The following MGME1 variants were observed in gnomAD, a reference collection of about 807,000 sequenced individuals.
The protein encoded by MGME1 is chromosome 20 open reading frame 72.
Under a neutral mutation model 33.0 loss-of-function variants are expected in MGME1, and 22 were observed. That is an observed-to-expected ratio of 0.67 (90% confidence interval 0.48 to 0.95). MGME1 has a LOEUF of 0.95. Ranked by LOEUF, MGME1 falls within the 40% of genes least tolerant of loss-of-function variation. The probability of loss-of-function intolerance (pLI) is 0.00; values close to 1 mark genes in which losing one functional copy is unlikely to be tolerated. For missense variants in MGME1, 383 were observed against 397.8 expected, an observed-to-expected ratio of 0.96 and a Z score of 0.32; for synonymous variants, 133 against 144.0, an observed-to-expected ratio of 0.92 and a Z score of 0.55.
Position 17,971,526 on chromosome 20 carries a change from A to G in MGME1, c.511+1156A>G, listed in dbSNP as rs139497782. On this transcript the variant is annotated intron_variant, in intron 2 of 4. Coordinates refer to ENST00000377710, the MANE Select transcript of MGME1 (RefSeq NM_052865.4). ...GTTATTTTCCTTAAACCAGGAATGT[A>G]CAGCTGAAATTACTAATAAGAAATG... is the stretch of plus-strand genomic sequence containing the variant. Among the ~76,000 whole-genome samples, 1,227 of 152,332 alleles carry G rather than the reference A, an allele frequency of 8.1e-3. 15 individuals carry two copies. Among genetic ancestry groups the G allele is most frequent in the African/African-American group, 0.028 (1,160 of 41,566 alleles).
At chr20:17,978,610 G>T (rs1401864272) in intron 3 of MGME1, among the ~76,000 whole-genome samples, 1 of 152,110 alleles carries the variant, frequency 6.6e-6, no homozygotes, top group Non-Finnish European at 1.5e-5. Flanking sequence ...AACCAAGGAA[G>T]CCATACAGTC....
At chr20:17,972,764 C>T (rs978410406) in intron 2 of MGME1, 24 of 985,140 alleles carry the variant, frequency 2.4e-5, no homozygotes, top group South Asian at 9.4e-5. Flanking sequence ...AAGTTTGCAG[C>T]GAGAAATGTA....
chr20:17,982,223 C>T (rs1336692728), intron 3 of MGME1, among the ~76,000 whole-genome samples: 4 of 152,304 alleles, frequency 2.6e-5, no homozygotes, highest in East Asian at 1.9e-4. Flanking sequence ...TGGGTTCAAG[C>T]GATTCTCCTG....
upstream of MGME1, chr20:17,968,817 A>G (rs2035627246): frequency 8.7e-6 from 2 of 229,618 alleles, no homozygotes; most frequent in South Asian, 6.2e-5. Context: ...TGCGGGGGGA[A>G]TTTATTACTC....
chr20:17,977,248 T>C (rs6111766), intron 3 of MGME1, among the ~76,000 whole-genome samples: 42,481 of 151,568 alleles, frequency 0.28, 6,190 homozygotes, highest in East Asian at 0.43. Context: ...CAGTGGTGTG[T>C]GCCTATAGTC....
intron 3 of MGME1, among the ~76,000 whole-genome samples, chr20:17,983,267 T>TTGTGTGTGTG (rs1555791107): frequency 0.02 from 2,798 of 142,650 alleles, 58 homozygotes; most frequent in African/African-American, 0.058. Flanking sequence ...TAGTGTTCTA[T>TTGTGTGTGTG]TGTGTGTGTG....
intron 3 of MGME1, among the ~76,000 whole-genome samples, chr20:17,984,914 G>A (rs1198181739): frequency 1.3e-5 from 2 of 151,902 alleles, no homozygotes; most frequent in Non-Finnish European, 2.9e-5. Context: ...GCACATGCCT[G>A]TAATCCCAGC....
At chr20:17,987,310 T>C (rs925307947) in intron 3 of MGME1, among the ~76,000 whole-genome samples, 4 of 152,118 alleles carry the variant, frequency 2.6e-5, no homozygotes, top group Admixed American at 1.3e-4. Flanking sequence ...AAACCTAAAC[T>C]GTCCAGTAGA....
Position 17,990,178 on chromosome 20 carries a change from C to G in MGME1, c.*69C>G. 1 of 1,398,876 alleles carries G rather than the reference C, an allele frequency of 7.1e-7. No individual in the cohort carries two copies. The highest frequency in any genetic ancestry group is 1.2e-5 in the South Asian group (1 of 85,526). 86.7% of individuals were successfully genotyped at this position (1,398,876 alleles called of 1,614,324 possible). On this transcript the variant is annotated 3_prime_UTR_variant, in exon 5 of 5. Transcript: ENST00000377710. Reference sequence around the variant, plus strand: ...TTGGGAACATATATTGCTGTTTACTCCAGTGTAAAAATGAGGTGCCACTGG... The same window carrying G: ...TTGGGAACATATATTGCTGTTTACTGCAGTGTAAAAATGAGGTGCCACTGG...
At position 17,990,824 on chromosome 20, in the gene MGME1, G is replaced by A. The variant is rs1395693241; in HGVS notation, c.*715G>A. ...TCTAAGTGTTTTAGTAACTATTTCT[G>A]GCGTGAGTCAACAGATCATGTAGAT... On this transcript the variant is annotated 3_prime_UTR_variant, in exon 5 of 5. Coordinates refer to ENST00000377710, the MANE Select transcript of MGME1 (RefSeq NM_052865.4). 6.6e-6 allele frequency: 1 copy of A among 152,156 alleles called. No individual in the cohort carries two copies. Among genetic ancestry groups the A allele is most frequent in the Non-Finnish European group, 1.5e-5 (1 of 68,038 alleles). The allele number at this position is 152,156 out of a possible 1,614,324, so 9.4% of individuals were successfully genotyped here. A position where few individuals can be genotyped will look rare whatever the true frequency, so the allele number is the denominator to read the frequency against.
chr20:17,974,073 T>TG (rs2035798849), intron 2 of MGME1, among the ~76,000 whole-genome samples: 1 of 146,614 alleles, frequency 6.8e-6, no homozygotes, highest in Non-Finnish European at 1.5e-5. Flanking sequence ...TTTTTTTTTT[T>TG]TTTTTTTTTT....
At chr20:17,982,557 T>C (rs1023492714) in intron 3 of MGME1, among the ~76,000 whole-genome samples, 3 of 152,248 alleles carry the variant, frequency 2.0e-5, no homozygotes, top group African/African-American at 7.2e-5. Context: ...ATTGCTATCC[T>C]ATACTTTAGG....
At chr20:17,969,212 G>A (rs1304212600) in intron 1 of MGME1, 71 bp downstream of exon 1, 5 of 152,292 alleles carry the variant, frequency 3.3e-5, no homozygotes, top group Non-Finnish European at 7.3e-5. Flanking sequence ...CCTGCCACAG[G>A]GGCCACCGCC....
chr20:17,981,255 C>G (rs2036012112), intron 3 of MGME1, among the ~76,000 whole-genome samples: 1 of 152,146 alleles, frequency 6.6e-6, no homozygotes, highest in African/African-American at 2.4e-5. Context: ...AATATACAGA[C>G]ATCTCTAGAT....
At chr20:17,984,329 A>G (rs966393850) in intron 3 of MGME1, among the ~76,000 whole-genome samples, 3 of 152,140 alleles carry the variant, frequency 2.0e-5, no homozygotes, top group African/African-American at 7.2e-5. Context: ...GCCATGTTCC[A>G]CATAACAATA....
At position 17,990,225 on chromosome 20, in the gene MGME1, A is replaced by C. The variant is rs1309604044; in HGVS notation, c.*116A>C. On this transcript the variant is annotated 3_prime_UTR_variant, in exon 5 of 5. Transcript: ENST00000377710. ...CTGGATCTGAGTGCTACACGAACAC[A>C]AGTAGAAGTATTAATTTGTTGAAAT... 1.2e-6 allele frequency: 1 copy of C among 844,744 alleles called. No individual in the cohort carries two copies. The highest frequency in any genetic ancestry group is 1.5e-5 in the South Asian group (1 of 66,030). The allele number at this position is 844,744 out of a possible 1,614,324, so 52.3% of individuals were successfully genotyped here.
At chr20:17,984,757 G>A (rs766738561) in intron 3 of MGME1, among the ~76,000 whole-genome samples, 2 of 151,770 alleles carry the variant, frequency 1.3e-5, no homozygotes, top group African/African-American at 2.4e-5. Flanking sequence ...AAAAGAGGCC[G>A]GGGCATGGTG....
chr20:17,982,365 C>T (rs2036045178), intron 3 of MGME1, among the ~76,000 whole-genome samples: 1 of 152,044 alleles, frequency 6.6e-6, no homozygotes, highest in African/African-American at 2.4e-5. Flanking sequence ...GGTGATCCAC[C>T]CACCTCAGCC....
chr20:17,970,981 TTGGCACTGG>T (rs1258001896), intron 2 of MGME1, among the ~76,000 whole-genome samples: 1 of 152,232 alleles, frequency 6.6e-6, no homozygotes, highest in Non-Finnish European at 1.5e-5. Flanking sequence ...ACAAAGACCA[TTGGCACTGG>T]TGAATTAGCT....
Sources: gnomAD v4.1 joint callset for allele counts (sites outside exome capture counted in the v4.1 genomes callset) on GRCh38, gnomAD v4.1.1 for gene constraint, MANE v1.5 for transcripts, NCBI Gene and HGNC (gene_info 2026-07-23, HGNC 2026-07-21) for gene names.